Variants in RTL4 observed in about 807,000 individuals in gnomAD.
RTL4 encodes retrotransposon Gag like 4.
RTL4 carries 4 observed loss-of-function variants against 5.3 expected under a neutral mutation model. The ratio of observed to expected loss-of-function variants is 0.75; its 90% CI spans 0.37 to 1.72. RTL4 has a LOEUF of 1.72. RTL4 is among the 40% of genes most tolerant of loss of function. The pLI, the probability that RTL4 is intolerant of heterozygous loss-of-function variation, is 0.04. For synonymous variants in RTL4, 98 were observed against 87.3 expected (o/e 1.12, Z -0.68); for missense variants, 260 against 227.1 (o/e 1.14, Z -0.93).
the RTL4 span, among the ~76,000 whole-genome samples, chrX:112,262,238 C>T: frequency 2.7e-5 from 3 of 111,871 alleles, no homozygotes; most frequent in African/African-American, 9.7e-5. Context: ...AAAGAAACTA[C>T]CATCAGAGTG....
At chrX:112,409,998 T>A in the RTL4 span, among the ~76,000 whole-genome samples, 1 of 110,511 alleles carries the variant, frequency 9.0e-6, no homozygotes, top group Admixed American at 9.6e-5. Flanking sequence ...ACTGTACCTG[T>A]AAAGACACAT....
chrX:112,240,827 C>A, the RTL4 span, among the ~76,000 whole-genome samples: 1 of 110,555 alleles, frequency 9.0e-6, no homozygotes, highest in African/African-American at 3.3e-5. Flanking sequence ...CCTCCCCCCA[C>A]CGCACGACAG....
At chrX:112,304,251 T>A in the RTL4 span, among the ~76,000 whole-genome samples, 1 of 110,362 alleles carries the variant, frequency 9.1e-6, no homozygotes. Flanking sequence ...TATGGAAGAG[T>A]AGCCAAAGAT....
chrX:112,285,248 G>A, the RTL4 span, among the ~76,000 whole-genome samples: 1 of 111,808 alleles, frequency 8.9e-6, no homozygotes, highest in Admixed American at 9.5e-5. Context: ...AACACAGGAA[G>A]TAGACTAAAT....
At chrX:112,300,858 T>C in the RTL4 span, among the ~76,000 whole-genome samples, 1 of 111,800 alleles carries the variant, frequency 8.9e-6, no homozygotes, top group South Asian at 3.8e-4. Context: ...ATATATTGTG[T>C]GAGCTGTCAA....
chrX:112,251,066 A>G, the RTL4 span, among the ~76,000 whole-genome samples: 8 of 111,815 alleles, frequency 7.2e-5, no homozygotes, highest in Non-Finnish European at 1.5e-4. Context: ...TGCTTTACAT[A>G]TAACAACTCA....
chrX:112,419,595 T>TTTACATATGTATATGTGTATATATATATA, the RTL4 span, among the ~76,000 whole-genome samples: 1 of 28,158 alleles, frequency 3.6e-5, no homozygotes, highest in African/African-American at 7.2e-5. Flanking sequence ...ATATATATAT[T>TTTACATATGTATATGTGTATATATATATA]TTTACATATG....
chrX:112,258,786 A>G, the RTL4 span, among the ~76,000 whole-genome samples: 2 of 111,551 alleles, frequency 1.8e-5, no homozygotes, highest in Admixed American at 9.6e-5. Context: ...CTTCAATATT[A>G]GATTATTTTA....
the RTL4 span, among the ~76,000 whole-genome samples, chrX:112,180,732 A>G: frequency 3.6e-5 from 4 of 112,111 alleles, no homozygotes; most frequent in Non-Finnish European, 7.5e-5. Context: ...CCAGTTTTAC[A>G]GTTATCTGAT....
the RTL4 span, among the ~76,000 whole-genome samples, chrX:112,148,864 T>C: frequency 8.9e-6 from 1 of 111,879 alleles, no homozygotes; most frequent in Non-Finnish European, 1.9e-5. Flanking sequence ...ATTAAACTTC[T>C]TTTACCTGTG....
At chrX:112,169,232 A>G in the RTL4 span, among the ~76,000 whole-genome samples, 1 of 108,362 alleles carries the variant, frequency 9.2e-6, no homozygotes, top group African/African-American at 3.4e-5. Context: ...CTCCTGCCTC[A>G]GCCTCTCTAG....
the RTL4 span, among the ~76,000 whole-genome samples, chrX:112,261,070 C>T: frequency 9.0e-6 from 1 of 111,479 alleles, no homozygotes; most frequent in Non-Finnish European, 1.9e-5. Flanking sequence ...ATGGAATGTC[C>T]ATAATACATT....
chrX:112,340,244 C>G, the RTL4 span, among the ~76,000 whole-genome samples: 1 of 111,661 alleles, frequency 9.0e-6, no homozygotes, highest in Non-Finnish European at 1.9e-5. Flanking sequence ...TCCAAATTGC[C>G]CCTTTGCTTT....
At chrX:112,365,393 C>G in the RTL4 span, among the ~76,000 whole-genome samples, 1 of 110,747 alleles carries the variant, frequency 9.0e-6, no homozygotes, top group African/African-American at 3.3e-5. Context: ...TGTAAGAAGT[C>G]AATCATTTCA....
chrX:112,266,415 CA>C, the RTL4 span, among the ~76,000 whole-genome samples: 1 of 110,324 alleles, frequency 9.1e-6, no homozygotes, highest in Non-Finnish European at 1.9e-5. Context: ...ATTTCTACCA[CA>C]GCACATAAAA....
the RTL4 span, among the ~76,000 whole-genome samples, chrX:112,169,084 T>TTTTC: frequency 4.5e-3 from 192 of 42,743 alleles, no homozygotes; most frequent in African/African-American, 0.012. Context: ...TCTTTCTTTC[T>TTTTC]TTTCTTTCTT....
the RTL4 span, among the ~76,000 whole-genome samples, chrX:112,343,047 T>C: frequency 9.1e-6 from 1 of 110,455 alleles, no homozygotes; most frequent in Non-Finnish European, 1.9e-5. Flanking sequence ...GAGGTGGAGG[T>C]TGCAGTGAGC....
chrX:112,270,341 A>G, the RTL4 span, among the ~76,000 whole-genome samples: 2 of 112,814 alleles, frequency 1.8e-5, no homozygotes, highest in Non-Finnish European at 3.7e-5. Context: ...AGCTAAAGAT[A>G]TAGTCACATA....
the RTL4 span, among the ~76,000 whole-genome samples, chrX:112,150,548 T>C: frequency 8.9e-6 from 1 of 111,885 alleles, no homozygotes; most frequent in African/African-American, 3.3e-5. Context: ...AGGAAAAATA[T>C]ACAAATGTTC....
Sources: allele counts gnomAD v4.1 joint callset (sites outside exome capture counted in the v4.1 genomes callset), GRCh38; gene constraint gnomAD v4.1.1; transcripts MANE v1.5; gene names NCBI Gene and HGNC (gene_info 2026-07-23, HGNC 2026-07-21).